STAT3: variants seen among roughly 807,000 people sequenced by gnomAD.
The protein encoded by STAT3 is DNA-binding protein APRF.
Under a neutral mutation model 114.3 loss-of-function variants are expected in STAT3, and 7 were observed. That is an observed-to-expected ratio of 0.06 (90% CI 0.03 to 0.11). The LOEUF (loss-of-function observed/expected upper bound fraction) is 0.11, where lower values mean the gene tolerates loss of function less well. Among genes scored for constraint, STAT3 ranks in the 10% least tolerant of loss-of-function variants. The pLI, the probability that STAT3 is intolerant of heterozygous loss-of-function variation, is 1.00. For missense variants in STAT3, 364 were observed against 960.9 expected, an observed-to-expected ratio of 0.38 and a Z score of 8.21; for synonymous variants, 331 against 354.5, an observed-to-expected ratio of 0.93 and a Z score of 0.74.
chr17:42,368,063 G>A (rs1311183813), intron 1 of STAT3, among the ~76,000 whole-genome samples: 3 of 152,140 alleles, frequency 2.0e-5, no homozygotes, highest in African/African-American at 7.2e-5. Context: ...TTCCAGCCAG[G>A]AGCAGTAGTG....
chr17:42,329,672 T>C (rs2144775857), intron 12 of STAT3, 25 bp from the exon 13 acceptor site: 1 of 1,614,056 alleles, frequency 6.2e-7, no homozygotes, highest in Non-Finnish European at 8.5e-7. Context: ...AACAATCAAC[T>C]ATGTAGGTGA....
At chr17:42,387,135 C>A (rs539256946) in intron 1 of STAT3, 1 of 152,288 alleles carries the variant, frequency 6.6e-6, no homozygotes, top group African/African-American at 2.4e-5. Context: ...GTTGCACATA[C>A]AGTAAGACCA....
intron 1 of STAT3, among the ~76,000 whole-genome samples, chr17:42,367,182 A>C (rs1343241989): frequency 1.3e-5 from 2 of 151,606 alleles, no homozygotes; most frequent in Admixed American, 6.6e-5. Flanking sequence ...ATAAAAATAA[A>C]AACAGAAATT....
intron 1 of STAT3, among the ~76,000 whole-genome samples, chr17:42,374,699 G>A (rs2084358907): frequency 6.6e-6 from 1 of 151,746 alleles, no homozygotes; most frequent in Non-Finnish European, 1.5e-5. Flanking sequence ...AACCTGAGGT[G>A]GCCAAGATAA....
At chr17:42,356,446 C>T (rs2083229335) in intron 1 of STAT3, among the ~76,000 whole-genome samples, 2 of 151,426 alleles carry the variant, frequency 1.3e-5, no homozygotes, top group Admixed American at 6.6e-5. Flanking sequence ...CACAGCGAGA[C>T]CCTGTCTCCG....
chr17:42,354,362 G>C (rs1209279305), intron 1 of STAT3, among the ~76,000 whole-genome samples: 2 of 149,762 alleles, frequency 1.3e-5, no homozygotes, highest in African/African-American at 4.9e-5. Context: ...TAGAGACGGG[G>C]TTTCACTATG....
chr17:42,359,129 G>T (rs988360465), intron 1 of STAT3, among the ~76,000 whole-genome samples: 11 of 151,802 alleles, frequency 7.2e-5, no homozygotes, highest in Non-Finnish European at 1.5e-4. Flanking sequence ...TAAAGAGGGG[G>T]TTTCATCGTG....
At chr17:42,325,327 T>C (rs1598398116) in intron 15 of STAT3, among the ~76,000 whole-genome samples, 1 of 152,102 alleles carries the variant, frequency 6.6e-6, no homozygotes, top group Admixed American at 6.6e-5. Flanking sequence ...TGACTCACAA[T>C]CCACAGATTC....
At chr17:42,315,986 G>C in intron 23 of STAT3, 186 bp from the exon 24 acceptor site, 1 of 1,466,744 alleles carries the variant, frequency 6.8e-7, no homozygotes, top group Non-Finnish European at 9.0e-7. Context: ...GCCTCGGGAA[G>C]GGTCCTTTCT....
At chr17:42,374,287 C>T (rs544197904) in intron 1 of STAT3, 1 of 152,278 alleles carries the variant, frequency 6.6e-6, no homozygotes, top group East Asian at 1.9e-4. Context: ...AGCCCATGAT[C>T]TAAATTCTAA....
chr17:42,338,675 A>G (rs1375669134), intron 6 of STAT3, 56 bp downstream of exon 6: 29 of 1,533,068 alleles, frequency 1.9e-5, no homozygotes, highest in Non-Finnish European at 2.4e-5. Context: ...GAGTCTTTCA[A>G]CTCAACAACA....
intron 1 of STAT3, among the ~76,000 whole-genome samples, chr17:42,371,416 A>G (rs1302604907): frequency 6.6e-6 from 1 of 151,928 alleles, no homozygotes; most frequent in African/African-American, 2.4e-5. Flanking sequence ...CACACCTGTA[A>G]TCTCAGCACT....
At position 42,380,500 on chromosome 17, in the gene STAT3, T is replaced by G. The variant is rs542530869; in HGVS notation, c.-24+7779A>C. Among the ~76,000 whole-genome samples the G allele has an allele frequency of 1.3e-4, 20 of 152,148 alleles. No homozygotes were observed. In the South Asian group the frequency reaches 3.7e-3, roughly 28 times the overall value. ...CCCGGGTTCAAGCGATTATCCTGCCTCAGCCTCCCGAGTAGCTGGGATTAC... is the reference window on the plus strand; with the variant it reads ...CCCGGGTTCAAGCGATTATCCTGCCGCAGCCTCCCGAGTAGCTGGGATTAC... On this transcript the variant is annotated intron_variant, in intron 1 of 23. Transcript: ENST00000264657.
intron 1 of STAT3, among the ~76,000 whole-genome samples, chr17:42,384,235 TCTC>T (rs942890435): frequency 2.0e-5 from 3 of 151,508 alleles, no homozygotes; most frequent in Non-Finnish European, 4.4e-5. Context: ...TTCACGCTCT[TCTC>T]CTGCCTCAGC....
At chr17:42,370,510 C>A (rs1297922871) in intron 1 of STAT3, among the ~76,000 whole-genome samples, 1 of 151,874 alleles carries the variant, frequency 6.6e-6, no homozygotes, top group Non-Finnish European at 1.5e-5. Flanking sequence ...GTGATCTGCC[C>A]GCCTCGGCCT....
At chr17:42,331,336 A>T in intron 11 of STAT3, 136 bp downstream of exon 11, 1 of 784,304 alleles carries the variant, frequency 1.3e-6, no homozygotes, top group Middle Eastern at 3.6e-4. Flanking sequence ...AATGCACCCC[A>T]AGGCTTTTGA....
chr17:42,383,285 G>A (rs58660716), intron 1 of STAT3, among the ~76,000 whole-genome samples: 16,743 of 151,928 alleles, frequency 0.11, 1,239 homozygotes, highest in South Asian at 0.19. Context: ...TCAAACTCCT[G>A]ACCTCAAGTG....
intron 1 of STAT3, among the ~76,000 whole-genome samples, chr17:42,358,524 A>AG (rs1481298119): frequency 6.6e-6 from 1 of 152,192 alleles, no homozygotes; most frequent in African/African-American, 2.4e-5. Context: ...AACAGGTCTG[A>AG]GCTCTACAAA....
chr17:42,325,092 G>C (rs1420146416), intron 15 of STAT3, 31 bp from the exon 16 acceptor site: 1 of 1,596,378 alleles, frequency 6.3e-7, no homozygotes, highest in Non-Finnish European at 8.6e-7. Context: ...GAGCTGGGGA[G>C]GCAGAGGGGC....
Sources: allele counts gnomAD v4.1 joint callset (sites outside exome capture counted in the v4.1 genomes callset), GRCh38; gene constraint gnomAD v4.1.1; transcripts MANE v1.5; gene names NCBI Gene and HGNC (gene_info 2026-07-23, HGNC 2026-07-21).